The following CDC14B variants were observed in gnomAD, a reference collection of about 807,000 sequenced individuals.
The protein encoded by CDC14B is cell division cycle 14B.
In CDC14B, 22 loss-of-function variants were observed where a neutral mutation model predicts 64.2. That is an observed-to-expected ratio of 0.34 (90% CI 0.24 to 0.49). CDC14B has a LOEUF of 0.49. CDC14B is among the 20% of genes least tolerant of loss of function. The pLI is 0.99. For missense variants in CDC14B, 498 were observed against 629.9 expected (o/e 0.79, Z 2.24); for synonymous variants, 191 against 215.8 (o/e 0.89, Z 1.01).
At chr9:96,604,278 T>C (rs1276156123) in intron 1 of CDC14B, among the ~76,000 whole-genome samples, 3 of 151,886 alleles carry the variant, frequency 2.0e-5, no homozygotes, top group Admixed American at 6.6e-5. Context: ...AAGTCCTTAA[T>C]TGCATACTTA....
chr9:96,544,012 A>AT (rs1219357381), intron 5 of CDC14B, among the ~76,000 whole-genome samples: 1 of 152,060 alleles, frequency 6.6e-6, no homozygotes, highest in Non-Finnish European at 1.5e-5. Context: ...AGGTCAAGAG[A>AT]TTGAGACCAT....
intron 1 of CDC14B, among the ~76,000 whole-genome samples, chr9:96,594,408 G>A (rs932860745): frequency 2.0e-5 from 3 of 152,150 alleles, no homozygotes; most frequent in Non-Finnish European, 4.4e-5. Flanking sequence ...ACATGCAAGT[G>A]AGAAAACTAC....
intron 5 of CDC14B, among the ~76,000 whole-genome samples, chr9:96,544,698 T>C (rs1840561864): frequency 6.6e-6 from 1 of 152,146 alleles, no homozygotes; most frequent in Non-Finnish European, 1.5e-5. Flanking sequence ...GGTTTCACCA[T>C]GTTGCCCAGG....
At chr9:96,561,502 G>A (rs1020539775) in intron 4 of CDC14B, among the ~76,000 whole-genome samples, 11 of 151,322 alleles carry the variant, frequency 7.3e-5, no homozygotes, top group African/African-American at 1.9e-4. Flanking sequence ...TTTTTGAGAC[G>A]GAGTCTCGCT....
chr9:96,550,339 C>A (rs1351987582), intron 5 of CDC14B, among the ~76,000 whole-genome samples: 1 of 152,162 alleles, frequency 6.6e-6, no homozygotes, highest in South Asian at 2.1e-4. Context: ...TTTCATGCAG[C>A]GTATTACTGA....
At chr9:96,526,780 G>A (rs1004943409) in intron 9 of CDC14B, among the ~76,000 whole-genome samples, 3 of 152,098 alleles carry the variant, frequency 2.0e-5, no homozygotes, top group Non-Finnish European at 2.9e-5. Flanking sequence ...GAGCTGTCCT[G>A]TGCGCTGTAG....
At chr9:96,494,122 G>C (rs1005652729) in intron 13 of CDC14B, among the ~76,000 whole-genome samples, 3 of 152,206 alleles carry the variant, frequency 2.0e-5, no homozygotes, top group African/African-American at 7.2e-5. Context: ...TTTACAGTCA[G>C]GCAAGGACGC....
At chr9:96,532,479 A>C (rs558195009) in intron 9 of CDC14B, among the ~76,000 whole-genome samples, 1 of 152,058 alleles carries the variant, frequency 6.6e-6, no homozygotes, top group Admixed American at 6.6e-5. Context: ...TCCTGCTTGG[A>C]GTTTGTTGAG....
chr9:96,520,423 G>A (rs1323176358), intron 12 of CDC14B, among the ~76,000 whole-genome samples: 2 of 151,946 alleles, frequency 1.3e-5, no homozygotes, highest in African/African-American at 2.4e-5. Context: ...ATGGCTCACT[G>A]CAGCCTCAGA....
chr9:96,520,468 C>T (rs117309156), intron 12 of CDC14B, among the ~76,000 whole-genome samples: 1,943 of 152,268 alleles, frequency 0.013, 16 homozygotes, highest in Non-Finnish European at 0.019. Context: ...GCCTCAGCCT[C>T]CCGCATAGCC....
rs748837625 is a variant in CDC14B, at chr9:96,523,343, G to A, written c.1163C>T (p.Ala388Val). The change falls in exon 11 of 14, where the codon GCA (alanine) becomes GTA (valine). Residue 388 changes from alanine (A) to valine (V), a missense_variant. Coordinates refer to ENST00000375241, the MANE Select transcript of CDC14B (RefSeq NM_033331.4). Reference protein sequence around the residue: ...LKGQENGQHRAAFSKLLSGVD... With the variant: ...LKGQENGQHRVAFSKLLSGVD... Reference sequence around the variant, plus strand: ...GCCAGAGAGAAGTTTGGAGAAGGCTGCTCTGTGTTGTCCATTCTCCTGCCC... The same window carrying A: ...GCCAGAGAGAAGTTTGGAGAAGGCTACTCTGTGTTGTCCATTCTCCTGCCC... 14 of 1,613,848 alleles carry A rather than the reference G, an allele frequency of 8.7e-6. No individual in the cohort carries two copies. Among genetic ancestry groups the A allele is most frequent in the East Asian group, 2.2e-5 (1 of 44,888 alleles).
intron 1 of CDC14B, chr9:96,567,000 C>T (rs1317096915): frequency 2.8e-6 from 4 of 1,418,918 alleles, no homozygotes; most frequent in Non-Finnish European, 3.7e-6. Context: ...CGGAAGTCCC[C>T]AAGTCCTGGA....
rs1833428041 is a variant in CDC14B at position 96,500,140 on chromosome 9, T to G, written c.*3613A>C. The G allele has an allele frequency of 6.5e-6, 1 of 152,684 alleles. No individual in the cohort carries two copies. Among genetic ancestry groups the G allele is most frequent in the Admixed American group, 6.5e-5 (1 of 15,290 alleles). 9.5% of individuals were successfully genotyped at this position (152,684 alleles called of 1,614,324 possible). A position where few individuals can be genotyped will look rare whatever the true frequency, so the allele number is the denominator to read the frequency against. ...GGGTTAATACTTTTAATTACATGAT[T>G]GTAATTATACAATTTCCACTATTCG... On this transcript the variant is annotated 3_prime_UTR_variant, in exon 14 of 14. Coordinates refer to ENST00000375241, the MANE Select transcript of CDC14B (RefSeq NM_033331.4).
downstream of CDC14B, among the ~76,000 whole-genome samples, chr9:96,497,965 G>A (rs10121676): frequency 0.16 from 24,895 of 152,112 alleles, 2,104 homozygotes; most frequent in Non-Finnish European, 0.18. Flanking sequence ...AAGCTTTAAC[G>A]TCTTACAAAT....
intron 12 of CDC14B, among the ~76,000 whole-genome samples, chr9:96,510,737 C>G (rs992178068): frequency 6.6e-6 from 1 of 151,770 alleles, no homozygotes; most frequent in African/African-American, 2.4e-5. Context: ...TCCTGAGTAG[C>G]TGGGACCGCA....
intron 12 of CDC14B, among the ~76,000 whole-genome samples, chr9:96,516,151 A>C (rs1835625271): frequency 6.6e-6 from 1 of 152,198 alleles, no homozygotes; most frequent in Non-Finnish European, 1.5e-5. Context: ...GGGGCAAAGG[A>C]GGCAAAACCA....
intron 1 of CDC14B, among the ~76,000 whole-genome samples, chr9:96,583,401 T>TTA (rs1845280032): frequency 6.9e-6 from 1 of 145,504 alleles, no homozygotes; most frequent in Non-Finnish European, 1.5e-5. Context: ...ATTATTATTA[T>TTA]TATTATTATT....
intron 13 of CDC14B, 97 bp from the exon 14 acceptor site, chr9:96,503,886 C>A: frequency 1.1e-6 from 1 of 938,644 alleles, no homozygotes; most frequent in Non-Finnish European, 1.7e-6. Flanking sequence ...AAAATACTGA[C>A]ATGCTAAAAA....
intron 4 of CDC14B, among the ~76,000 whole-genome samples, chr9:96,558,491 A>C (rs901151374): frequency 1.3e-5 from 2 of 152,242 alleles, no homozygotes; most frequent in Non-Finnish European, 2.9e-5. Context: ...CACAACATAC[A>C]TCTGTGCATA....
Sources: allele counts gnomAD v4.1 joint callset (sites outside exome capture counted in the v4.1 genomes callset), GRCh38; gene constraint gnomAD v4.1.1; transcripts MANE v1.5; gene names NCBI Gene and HGNC (gene_info 2026-07-23, HGNC 2026-07-21).